Variants in CADPS observed in about 807,000 individuals in gnomAD.
CADPS encodes calcium dependent secretion activator, also known as calcium-dependent secretion activator 1.
CADPS carries 57 observed loss-of-function variants against 167.3 expected under a neutral mutation model. The observed-to-expected ratio is 0.34, with a 90% confidence interval of 0.28 to 0.42. CADPS has a LOEUF of 0.42. Ranked by LOEUF, CADPS falls within the 20% of genes least tolerant of loss-of-function variation. The pLI, the probability that CADPS is intolerant of heterozygous loss-of-function variation, is 1.00. For synonymous variants in CADPS, 676 were observed against 635.3 expected, an observed-to-expected ratio of 1.06 and a Z score of -0.96; for missense variants, 1,414 against 1,738.1, an observed-to-expected ratio of 0.81 and a Z score of 3.32.
At chr3:62,532,664 C>T (rs145477315) in intron 13 of CADPS, among the ~76,000 whole-genome samples, 1 of 151,954 alleles carries the variant, frequency 6.6e-6, no homozygotes, top group East Asian at 1.9e-4. Context: ...CCCTAGAAGC[C>T]CTGCTTGCCA....
At chr3:62,825,091 T>C (rs2073791508) in intron 1 of CADPS, among the ~76,000 whole-genome samples, 1 of 152,174 alleles carries the variant, frequency 6.6e-6, no homozygotes, top group African/African-American at 2.4e-5. Context: ...CATATATGCT[T>C]GATAATTTCA....
intron 26 of CADPS, among the ~76,000 whole-genome samples, chr3:62,460,632 G>T (rs922200203): frequency 6.6e-6 from 1 of 152,192 alleles, no homozygotes; most frequent in Non-Finnish European, 1.5e-5. Context: ...GACCCAGGTG[G>T]CATTCTCGTT....
intron 1 of CADPS, among the ~76,000 whole-genome samples, chr3:62,836,093 G>A (rs917938495): frequency 6.6e-6 from 1 of 152,176 alleles, no homozygotes; most frequent in African/African-American, 2.4e-5. Context: ...GGATGTGCAT[G>A]TTGAAATCAC....
chr3:62,820,310 C>A (rs897274165), intron 1 of CADPS, among the ~76,000 whole-genome samples: 1 of 152,228 alleles, frequency 6.6e-6, no homozygotes, highest in East Asian at 1.9e-4. Context: ...AGGGAGATAG[C>A]ACTTTTCTGA....
intron 24 of CADPS, chr3:62,470,719 C>G (rs932382482): frequency 1.4e-4 from 22 of 152,094 alleles, no homozygotes; most frequent in African/African-American, 4.3e-4. Flanking sequence ...AAAAATGTCA[C>G]GAAAGATCTC....
chr3:62,604,963 G>A (rs1231143999), intron 6 of CADPS, among the ~76,000 whole-genome samples: 3 of 152,148 alleles, frequency 2.0e-5, no homozygotes, highest in African/African-American at 7.2e-5. Context: ...TTCCAACACT[G>A]GGTGTTTCCC....
rs773417197 is a variant in CADPS at position 62,776,655 on chromosome 3, A to AAAC, written c.442-10674_442-10672dup. 4.3e-4 allele frequency among the ~76,000 whole-genome samples: 65 copies of AAAC among 152,134 alleles called. 1 individual carries two copies. The highest frequency in any genetic ancestry group is 2.5e-3 in the South Asian group (12 of 4,810). On this transcript the variant is annotated intron_variant, in intron 1 of 29. Transcript: ENST00000383710. Reference sequence around the variant, plus strand: ...GACAACAGAGAGAGACTCCATCTCAAAACAACAACAACAACAACAACAAAA... The same window carrying AAAC: ...GACAACAGAGAGAGACTCCATCTCAAAACAACAACAACAACAACAACAACAAAA...
At chr3:62,559,084 C>A (rs929685887) in intron 9 of CADPS, among the ~76,000 whole-genome samples, 1 of 152,166 alleles carries the variant, frequency 6.6e-6, no homozygotes, top group Non-Finnish European at 1.5e-5. Flanking sequence ...TTGAGTTTTA[C>A]ATACCATGTG....
chr3:62,687,263 C>T (rs1316933163), intron 3 of CADPS, among the ~76,000 whole-genome samples: 1 of 152,026 alleles, frequency 6.6e-6, no homozygotes, highest in Non-Finnish European at 1.5e-5. Flanking sequence ...CTAAAATTCA[C>T]CACTCGAATC....
intron 4 of CADPS, among the ~76,000 whole-genome samples, chr3:62,658,643 G>A (rs895728902): frequency 6.6e-6 from 1 of 152,126 alleles, no homozygotes; most frequent in Non-Finnish European, 1.5e-5. Context: ...CTAGGTAAGT[G>A]ATAGTTATTA....
At chr3:62,804,323 C>A (rs540626287) in intron 1 of CADPS, among the ~76,000 whole-genome samples, 8 of 152,190 alleles carry the variant, frequency 5.3e-5, no homozygotes, top group African/African-American at 1.4e-4. Context: ...GGACTCAGAG[C>A]CATCTTGAGG....
chr3:62,851,962 C>T (rs1268580312), intron 1 of CADPS, among the ~76,000 whole-genome samples: 1 of 151,168 alleles, frequency 6.6e-6, no homozygotes, highest in South Asian at 2.1e-4. Flanking sequence ...TTCTTGGAGG[C>T]TTTGCTCATT....
rs572901102 is a variant in CADPS at position 62,479,847 on chromosome 3, C to T, written c.3174-1431G>A. Among the ~76,000 whole-genome samples, 16 of 152,302 alleles carry T rather than the reference C, an allele frequency of 1.1e-4. No homozygotes were observed. The South Asian group carries it at 2.3e-3, about 22-fold the overall frequency. On this transcript the variant is annotated intron_variant, in intron 22 of 29. Coordinates refer to ENST00000383710, the MANE Select transcript of CADPS (RefSeq NM_003716.4). ...AGCATTGTTCAAAAGTGGGGGAATG[C>T]GTTGTTTCTCCGTGAAAGTTCAGCC...
intron 3 of CADPS, among the ~76,000 whole-genome samples, chr3:62,662,685 A>G (rs1239938862): frequency 1.3e-5 from 2 of 152,136 alleles, no homozygotes; most frequent in Admixed American, 1.3e-4. Context: ...ACCAATGCAC[A>G]CTTCTTTTTG....
intron 3 of CADPS, among the ~76,000 whole-genome samples, chr3:62,706,770 T>A (rs2151690813): frequency 6.6e-6 from 1 of 152,274 alleles, no homozygotes; most frequent in Admixed American, 6.5e-5. Flanking sequence ...GGATTAGGGC[T>A]GACCCTACTG....
chr3:62,710,533 G>T (rs1015160074), intron 3 of CADPS, among the ~76,000 whole-genome samples: 9 of 152,036 alleles, frequency 5.9e-5, no homozygotes, highest in African/African-American at 1.9e-4. Context: ...TTAACCACAG[G>T]CCAGATCAAG....
In CADPS at chr3:62,753,161, C is replaced by A. The variant is rs150519264; in HGVS notation, c.888+280G>T. 7.0e-4 allele frequency among the ~76,000 whole-genome samples: 107 copies of A among 152,228 alleles called. No homozygotes were observed. Among genetic ancestry groups the A allele is most frequent in the Middle Eastern group, 6.8e-3 (2 of 294 alleles). ...GCACTTTTGACACGTGGAAAACAAG[C>A]CTTACTCATAGGGCCAACTTACCCA... On this transcript the variant is annotated intron_variant, in intron 3 of 29. Coordinates refer to ENST00000383710, the MANE Select transcript of CADPS (RefSeq NM_003716.4). The surrounding 1 kb of genome is among the most constrained non-coding windows in gnomAD (Gnocchi z 4.6).
intron 3 of CADPS, among the ~76,000 whole-genome samples, chr3:62,702,442 T>G (rs781149102): frequency 6.6e-6 from 1 of 152,060 alleles, no homozygotes; most frequent in Non-Finnish European, 1.5e-5. Flanking sequence ...CCTGGGAGAC[T>G]CTGCAGGGTG....
At position 62,704,047 on chromosome 3, in the gene CADPS, T is replaced by C. The variant is rs577729768; in HGVS notation, c.889-41653A>G. ...ACCACCAGGGATATTAAGTACTCCA[T>C]GTCAGGCAAGATTTTAGGTACTGGG... On this transcript the variant is annotated intron_variant, in intron 3 of 29. Coordinates refer to ENST00000383710, the MANE Select transcript of CADPS (RefSeq NM_003716.4). Among the ~76,000 whole-genome samples the C allele has an allele frequency of 2.6e-5, 4 of 152,234 alleles. 1 individual carries two copies. Among genetic ancestry groups the C allele is most frequent in the South Asian group, 4.1e-4 (2 of 4,824 alleles).
Sources: allele counts gnomAD v4.1 joint callset (sites outside exome capture counted in the v4.1 genomes callset), GRCh38; gene constraint gnomAD v4.1.1; non-coding constraint Gnocchi (gnomAD v3.1); transcripts MANE v1.5; gene names NCBI Gene and HGNC (gene_info 2026-07-23, HGNC 2026-07-21).